Variants in TMEM67 observed in about 807,000 individuals in gnomAD.
The protein encoded by TMEM67 is transmembrane protein 67.
Under a neutral mutation model 136.6 loss-of-function variants are expected in TMEM67, and 124 were observed. The ratio of observed to expected loss-of-function variants is 0.91; its 90% confidence interval spans 0.78 to 1.05. The LOEUF (loss-of-function observed/expected upper bound fraction) is 1.05. Among genes scored for constraint, TMEM67 ranks in the 50% least tolerant of loss-of-function variants. The pLI, the probability that TMEM67 is intolerant of heterozygous loss-of-function variation, is 0.00. For synonymous variants in TMEM67, 364 were observed against 390.5 expected (o/e 0.93, Z 0.80); for missense variants, 1,107 against 1,178.4 (o/e 0.94, Z 0.89).
chr8:93,811,488 A>G (rs1331049354), intron 26 of TMEM67, among the ~76,000 whole-genome samples: 1 of 152,228 alleles, frequency 6.6e-6, no homozygotes, highest in African/African-American at 2.4e-5. Context: ...TCCTTGCCTG[A>G]TACACTAAGG....
chr8:93,760,117 C>T (rs1812761981), intron 3 of TMEM67: 2 of 576,632 alleles, frequency 3.5e-6, no homozygotes, highest in Admixed American at 4.6e-5. Context: ...TTTAAAGGAC[C>T]CTAATAAATT....
chr8:93,763,096 ATT>A (rs60721040), intron 3 of TMEM67: 6,658 of 216,170 alleles, frequency 0.031, no homozygotes, highest in South Asian at 0.077. Flanking sequence ...CTAATTTTGT[ATT>A]TTTTTTTTTT....
chr8:93,762,846 T>G (rs1056065444), intron 3 of TMEM67: 78 of 335,192 alleles, frequency 2.3e-4, no homozygotes, highest in Non-Finnish European at 4.1e-4. Flanking sequence ...CATAAATGTT[T>G]CATACACAAA....
chr8:93,785,297 G>A lies in TMEM67; in HGVS notation c.1207G>A (p.Asp403Asn). ...TTATGATGTGTACCTTGAATATACT[G>A]ATGAAAATCAACATCAATATATTTT... ...IFYDVYLEYT[D>N]ENQHQYILAV... Residue 403 changes from aspartate to asparagine, a missense_variant, in exon 12 of 28, where the codon GAT (aspartate) becomes AAT (asparagine). By Grantham distance (23) the Asp-to-Asn change is conservative. Transcript: ENST00000453321. The A allele has an allele frequency of 6.2e-7, 1 of 1,604,240 alleles. No individual in the cohort carries two copies. Among genetic ancestry groups the A allele is most frequent in the Non-Finnish European group, 8.5e-7 (1 of 1,171,770 alleles).
intron 23 of TMEM67, 92 bp downstream of exon 23, chr8:93,804,970 T>C: frequency 1.2e-6 from 1 of 845,532 alleles, no homozygotes; most frequent in Non-Finnish European, 2.0e-6. Flanking sequence ...CAGTCTTCAT[T>C]GATAACTTTT....
intron 15 of TMEM67, among the ~76,000 whole-genome samples, 167 bp from the exon 16 acceptor site, chr8:93,793,031 A>G (rs1296789691): frequency 6.6e-6 from 1 of 151,962 alleles, no homozygotes; most frequent in Non-Finnish European, 1.5e-5. Flanking sequence ...TCGGCCTCCC[A>G]AAGTGCTGGG....
At position 93,817,412 on chromosome 8, in the gene TMEM67, C is replaced by T. The variant is rs936927595; in HGVS notation, c.*960C>T. On this transcript the variant is annotated 3_prime_UTR_variant, in exon 28 of 28. Transcript: ENST00000453321. ...TGGATGTGGTGGCCTGTAATCCCAG[C>T]TATTTGGGAGGCTGAGGCATGAGAA... is the stretch of plus-strand genomic sequence containing the variant. 1 of 152,160 alleles carries T rather than the reference C, an allele frequency of 6.6e-6. No homozygotes were observed. Among genetic ancestry groups the T allele is most frequent in the Admixed American group, 6.5e-5 (1 of 15,274 alleles). The allele number at this position is 152,160 out of a possible 1,614,324, so 9.4% of individuals were successfully genotyped here. A position where few individuals can be genotyped will look rare whatever the true frequency, so the allele number is the denominator to read the frequency against.
downstream of TMEM67, among the ~76,000 whole-genome samples, chr8:93,823,459 T>C (rs1309295536): frequency 6.6e-5 from 10 of 151,984 alleles, no homozygotes. Flanking sequence ...TTTTGCCTAA[T>C]ATAGAACACT....
intron 7 of TMEM67, among the ~76,000 whole-genome samples, chr8:93,773,341 C>T (rs73694944): frequency 0.051 from 7,806 of 151,984 alleles, 648 homozygotes; most frequent in African/African-American, 0.18. Flanking sequence ...TATGGCAAGG[C>T]CCTGGAGCTT....
rs1283024357 is a variant in TMEM67, at chr8:93,787,924, A to C, written c.1493A>C (p.Lys498Thr). 1.9e-6 allele frequency: 3 copies of C among 1,613,880 alleles called. No homozygotes were observed. The highest frequency in any genetic ancestry group is 1.7e-6 in the Non-Finnish European group (2 of 1,179,794). ...ITIAYSDIDI[K>T]DANSQSVKVS... ...ATTGCCTACAGTGACATTGATATCA[A>C]AGATGCCAACAGCCAGTCTGTGAAG... Residue 498 changes from lysine (K) to threonine (T), a missense_variant, in exon 14 of 28, where the codon AAA (lysine) becomes ACA (threonine). Lys to Thr is a moderately conservative substitution (Grantham distance 78). This residue lies in a region of TMEM67 where 925 missense variants were observed against 1,002.4 expected (regional missense o/e 0.92). Coordinates refer to ENST00000453321, the MANE Select transcript of TMEM67 (RefSeq NM_153704.6).
intron 26 of TMEM67, 119 bp from the exon 27 acceptor site, chr8:93,815,186 G>A: frequency 1.6e-6 from 1 of 642,188 alleles, no homozygotes; most frequent in Non-Finnish European, 2.6e-6. Flanking sequence ...ATGAAGTATT[G>A]TATACAGTAT....
intron 11 of TMEM67, among the ~76,000 whole-genome samples, chr8:93,782,863 C>G (rs2130675332): frequency 6.6e-6 from 1 of 152,206 alleles, no homozygotes; most frequent in African/African-American, 2.4e-5. Context: ...GCATGAGCCA[C>G]CGTGCCTGGC....
chr8:93,814,875 A>C (rs939383074), intron 26 of TMEM67, among the ~76,000 whole-genome samples: 7 of 152,140 alleles, frequency 4.6e-5, no homozygotes, highest in African/African-American at 1.7e-4. Flanking sequence ...GCAAAACCTC[A>C]GCGGGACTAT....
At chr8:93,790,909 G>A (rs1004055101) in intron 14 of TMEM67, among the ~76,000 whole-genome samples, 4 of 152,120 alleles carry the variant, frequency 2.6e-5, no homozygotes, top group African/African-American at 4.8e-5. Context: ...ATTAATCTGC[G>A]GTTTAGCAAC....
intron 25 of TMEM67, among the ~76,000 whole-genome samples, 153 bp from the exon 26 acceptor site, chr8:93,809,632 T>A (rs546117227): frequency 2.0e-5 from 3 of 152,228 alleles, no homozygotes; most frequent in Non-Finnish European, 4.4e-5. Context: ...AATTTTGTTA[T>A]AGGTTTCAAT....
chr8:93,765,357 T>G, intron 4 of TMEM67, 49 bp from the exon 5 acceptor site: 1 of 1,414,032 alleles, frequency 7.1e-7, no homozygotes, highest in Non-Finnish European at 9.9e-7. Context: ...CTATTAGGTT[T>G]AGTATAATTT....
At chr8:93,823,717 G>A (rs902788324), downstream of TMEM67, among the ~76,000 whole-genome samples, 5 of 152,112 alleles carry the variant, frequency 3.3e-5, no homozygotes, top group Admixed American at 6.6e-5. Flanking sequence ...GACCAGATTC[G>A]AAAAGGGATT....
rs775407664 is a variant in TMEM67 at position 93,808,831 on chromosome 8, A to G, written c.2440-9A>G. Reference sequence around the variant, plus strand: ...TTTTGATCTTAACTTAAATTCTTTAACTTTTCAGGAAAATTTGTGTAGCCA... The same window carrying G: ...TTTTGATCTTAACTTAAATTCTTTAGCTTTTCAGGAAAATTTGTGTAGCCA... On this transcript the variant is annotated splice_polypyrimidine_tract_variant and intron_variant, in intron 23 of 27. Transcript: ENST00000453321. The G allele has an allele frequency of 5.1e-6, 8 of 1,570,982 alleles. No homozygotes were observed. Among genetic ancestry groups the G allele is most frequent in the Non-Finnish European group, 7.0e-6 (8 of 1,141,382 alleles).
chr8:93,823,007 T>G (rs1321094430), downstream of TMEM67, among the ~76,000 whole-genome samples: 1 of 152,234 alleles, frequency 6.6e-6, no homozygotes, highest in African/African-American at 2.4e-5. Flanking sequence ...GATAAGACAT[T>G]GCCTCTACTT....
Sources: allele counts gnomAD v4.1 joint callset (sites outside exome capture counted in the v4.1 genomes callset), GRCh38; gene constraint gnomAD v4.1.1; regional missense constraint gnomAD v4.1.1; transcripts MANE v1.5; gene names NCBI Gene and HGNC (gene_info 2026-07-23, HGNC 2026-07-21).